RBMS3: variants seen among roughly 807,000 people sequenced by gnomAD.
RBMS3 encodes the protein RNA binding motif single stranded interacting protein 3.
RBMS3 carries 27 observed loss-of-function variants against 66.8 expected under a neutral mutation model. That is an observed-to-expected ratio of 0.40 (90% CI 0.30 to 0.56). The LOEUF is 0.56. RBMS3 is among the 20% of genes least tolerant of loss of function. The pLI, the probability that RBMS3 is intolerant of heterozygous loss-of-function variation, is 0.40. For synonymous variants in RBMS3, 188 were observed against 183.0 expected, an observed-to-expected ratio of 1.03 and a Z score of -0.22; for missense variants, 513 against 549.5, an observed-to-expected ratio of 0.93 and a Z score of 0.66.
intron 6 of RBMS3, among the ~76,000 whole-genome samples, chr3:29,789,517 T>C (rs2056932189): frequency 6.6e-6 from 1 of 152,134 alleles, no homozygotes; most frequent in Non-Finnish European, 1.5e-5. Context: ...TACATTTTCT[T>C]CCATTAAATC....
rs989044419 is a variant in RBMS3, at chr3:30,009,780, A to T, written c.*5918A>T. On this transcript the variant is annotated 3_prime_UTR_variant, in exon 15 of 15. Transcript: ENST00000383767. ...TTTATGATCACATCAAATTTAAACA[A>T]TGTCCAAAGTGTAACTTTAATGTTA... 6.6e-6 allele frequency: 1 copy of T among 152,200 alleles called. No individual in the cohort carries two copies. The highest frequency in any genetic ancestry group is 1.5e-5 in the Non-Finnish European group (1 of 68,028). 9.4% of individuals were successfully genotyped at this position (152,200 alleles called of 1,614,324 possible).
chr3:29,718,733 T>C (rs572540916), intron 4 of RBMS3, among the ~76,000 whole-genome samples: 1 of 152,256 alleles, frequency 6.6e-6, no homozygotes, highest in South Asian at 2.1e-4. Context: ...AGTCTATGAC[T>C]CTCTACCACA....
intron 1 of RBMS3, among the ~76,000 whole-genome samples, chr3:29,381,885 T>A (rs2038777572): frequency 6.6e-6 from 1 of 152,180 alleles, no homozygotes; most frequent in South Asian, 2.1e-4. Context: ...TCCTCTTCCT[T>A]TCCTGAAAGA....
At chr3:29,751,849 G>C (rs375240962) in intron 5 of RBMS3, among the ~76,000 whole-genome samples, 33 of 152,268 alleles carry the variant, frequency 2.2e-4, no homozygotes, top group East Asian at 1.6e-3. Context: ...TGCAGGAGCC[G>C]GGGCAAGTGC....
At chr3:29,971,427 T>C (rs1697220198) in intron 12 of RBMS3, among the ~76,000 whole-genome samples, 1 of 152,152 alleles carries the variant, frequency 6.6e-6, no homozygotes, top group South Asian at 2.1e-4. Flanking sequence ...CTCCAGTTTC[T>C]TCTCAAATAT....
At chr3:29,806,415 A>T (rs191034154) in intron 6 of RBMS3, among the ~76,000 whole-genome samples, 1 of 151,968 alleles carries the variant, frequency 6.6e-6, no homozygotes, top group Non-Finnish European at 1.5e-5. Flanking sequence ...TAAGCACAAA[A>T]CTGTTTTTGA....
At chr3:29,288,767 A>C (rs1311758693) in intron 1 of RBMS3, among the ~76,000 whole-genome samples, 1 of 151,942 alleles carries the variant, frequency 6.6e-6, no homozygotes, top group African/African-American at 2.4e-5. Flanking sequence ...AAACCTACAA[A>C]TCCGCAAAAC....
At chr3:29,395,720 C>A (rs1277536640) in intron 1 of RBMS3, among the ~76,000 whole-genome samples, 1 of 152,098 alleles carries the variant, frequency 6.6e-6, no homozygotes, top group Non-Finnish European at 1.5e-5. Flanking sequence ...AAAACAAAGA[C>A]ATGTTTTAAA....
At chr3:29,968,961 G>A (rs1272985151) in intron 12 of RBMS3, among the ~76,000 whole-genome samples, 2 of 152,166 alleles carry the variant, frequency 1.3e-5, no homozygotes, top group Admixed American at 6.6e-5. Context: ...AGTGATGGTG[G>A]TCATTCTCCA....
chr3:29,542,676 A>T (rs553064250), intron 3 of RBMS3, among the ~76,000 whole-genome samples: 1 of 152,240 alleles, frequency 6.6e-6, no homozygotes, highest in East Asian at 1.9e-4. Flanking sequence ...CCAATTTTTA[A>T]ATGGAAAGGG....
intron 4 of RBMS3, among the ~76,000 whole-genome samples, chr3:29,696,425 TTA>T (rs2052279970): frequency 1.7e-5 from 2 of 120,714 alleles, no homozygotes; most frequent in African/African-American, 1.0e-4. Context: ...TTGTACTAAA[TTA>T]TGTTTTATTC....
intron 10 of RBMS3, among the ~76,000 whole-genome samples, chr3:29,916,600 C>T (rs1046383407): frequency 2.0e-5 from 3 of 151,974 alleles, no homozygotes; most frequent in Non-Finnish European, 1.5e-5. Context: ...TGTCCTAAAG[C>T]AGGCTCTTAA....
intron 4 of RBMS3, chr3:29,642,820 T>C (rs2049775389): frequency 6.6e-6 from 1 of 152,044 alleles, no homozygotes; most frequent in Non-Finnish European, 1.5e-5. Flanking sequence ...GCTCTACATA[T>C]CTTGTTGACC....
chr3:29,854,160 C>A (rs1320264006), intron 6 of RBMS3, among the ~76,000 whole-genome samples: 1 of 152,204 alleles, frequency 6.6e-6, no homozygotes, highest in Non-Finnish European at 1.5e-5. Context: ...CCAGCCTCCT[C>A]CCAGCTCCAG....
intron 1 of RBMS3, among the ~76,000 whole-genome samples, chr3:29,332,466 A>C (rs2035719747): frequency 6.6e-6 from 1 of 152,176 alleles, no homozygotes; most frequent in South Asian, 2.1e-4. Context: ...CTAAGAAATG[A>C]GTATCTTTTC....
chr3:29,569,963 G>A (rs1376637099), intron 3 of RBMS3, among the ~76,000 whole-genome samples: 3 of 68,238 alleles, frequency 4.4e-5, no homozygotes, highest in African/African-American at 2.1e-4. Context: ...CATATTTACC[G>A]ACCAAGAAAA....
intron 12 of RBMS3, among the ~76,000 whole-genome samples, chr3:29,950,789 C>G (rs1695633226): frequency 6.6e-6 from 1 of 151,824 alleles, no homozygotes; most frequent in Non-Finnish European, 1.5e-5. Context: ...TGTTACCAGC[C>G]TTTTGAGATG....
At chr3:29,348,387 A>G (rs1043818722) in intron 1 of RBMS3, among the ~76,000 whole-genome samples, 2 of 152,206 alleles carry the variant, frequency 1.3e-5, no homozygotes, top group African/African-American at 4.8e-5. Flanking sequence ...GGGGTTGTGC[A>G]TAAAAGAAAT....
intron 7 of RBMS3, among the ~76,000 whole-genome samples, chr3:29,875,194 C>G (rs937036747): frequency 6.6e-6 from 1 of 152,224 alleles, no homozygotes; most frequent in East Asian, 1.9e-4. Context: ...GCCATCCCAG[C>G]CTGCCACAAG....
Sources: gnomAD v4.1 joint callset for allele counts (sites outside exome capture counted in the v4.1 genomes callset) on GRCh38, gnomAD v4.1.1 for gene constraint, MANE v1.5 for transcripts, NCBI Gene and HGNC (gene_info 2026-07-23, HGNC 2026-07-21) for gene names.